Variants in RABL3 observed in about 807,000 individuals in gnomAD.
RABL3 encodes the protein RAB, member of RAS oncogene family like 3, also known as rab-like protein 3.
RABL3 carries 31 observed loss-of-function variants against 31.8 expected under a neutral mutation model. The ratio of observed to expected loss-of-function variants is 0.97; its 90% CI spans 0.73 to 1.31. The LOEUF (loss-of-function observed/expected upper bound fraction) is 1.31. RABL3 is among the 40% of genes most tolerant of loss of function. RABL3 has a pLI of 0.00. For missense variants in RABL3, 263 were observed against 279.6 expected (o/e 0.94, Z 0.42); for synonymous variants, 97 against 99.9 (o/e 0.97, Z 0.18).
intron 2 of RABL3, among the ~76,000 whole-genome samples, chr3:120,715,224 G>C (rs1247838070): frequency 6.6e-6 from 1 of 152,114 alleles, no homozygotes; most frequent in Non-Finnish European, 1.5e-5. Context: ...CTGTCCCATG[G>C]AATTTTCTAC....
At chr3:120,729,571 C>A (rs1708859110) in intron 2 of RABL3, among the ~76,000 whole-genome samples, 1 of 151,778 alleles carries the variant, frequency 6.6e-6, no homozygotes, top group Non-Finnish European at 1.5e-5. Context: ...AAGCAGACAC[C>A]ATAATGAAGG....
intron 1 of RABL3, among the ~76,000 whole-genome samples, chr3:120,739,452 T>C (rs13326886): frequency 0.06 from 9,095 of 152,130 alleles, 873 homozygotes; most frequent in African/African-American, 0.21. Flanking sequence ...GATCAAAGAT[T>C]ATCATTATGA....
At chr3:120,731,931 C>T (rs991680580) in intron 1 of RABL3, among the ~76,000 whole-genome samples, 2 of 152,046 alleles carry the variant, frequency 1.3e-5, no homozygotes, top group Admixed American at 6.6e-5. Context: ...TGGTGGCCTG[C>T]GTCTGTAGTC....
chr3:120,709,037 C>T (rs1708582562), intron 3 of RABL3, among the ~76,000 whole-genome samples: 1 of 151,874 alleles, frequency 6.6e-6, no homozygotes. Flanking sequence ...CTATTAATGG[C>T]TATGCATTTA....
chr3:120,710,536 C>A, intron 2 of RABL3: 1 of 152,260 alleles, frequency 6.6e-6, no homozygotes, highest in Non-Finnish European at 1.5e-5. Flanking sequence ...ATTTATCTGC[C>A]TTTCTCCATC....
intron 5 of RABL3, among the ~76,000 whole-genome samples, chr3:120,694,954 TCTAG>T (rs1452781997): frequency 1.3e-5 from 2 of 150,704 alleles, no homozygotes; most frequent in Admixed American, 1.3e-4. Flanking sequence ...GGAATTCCAG[TCTAG>T]CTGTTTTTTT....
rs1426778347 is a variant in RABL3, at chr3:120,734,804, T to C, written c.47-4017A>G. Among the ~76,000 whole-genome samples, 3 of 152,352 alleles carry C rather than the reference T, an allele frequency of 2.0e-5. No homozygotes were observed. The South Asian group carries it at 6.2e-4, about 32-fold the overall frequency. On this transcript the variant is annotated intron_variant, in intron 1 of 7. Transcript: ENST00000273375. Reference sequence around the variant, plus strand: ...TTTTCTGCATCTATTGAGATAATCATGTGGTTTTTGTCTTTGGTTCTGTTT... The same window carrying C: ...TTTTCTGCATCTATTGAGATAATCACGTGGTTTTTGTCTTTGGTTCTGTTT...
rs1708332027 is a variant in RABL3, at chr3:120,687,973, T to C, written c.*1850A>G. The stretch of plus-strand genomic sequence containing the variant: ...CACCAGGCCTGGCTAATTTTTGTAT[T>C]TTTAGTAGAGACAGGGTTTCCCTAT... On this transcript the variant is annotated 3_prime_UTR_variant, in exon 8 of 8. Coordinates refer to ENST00000273375, the MANE Select transcript of RABL3 (RefSeq NM_173825.5). 1.3e-5 allele frequency: 2 copies of C among 151,974 alleles called. No individual in the cohort carries two copies. Among genetic ancestry groups the C allele is most frequent in the Admixed American group, 1.3e-4 (2 of 15,260 alleles). 9.4% of individuals were successfully genotyped at this position (151,974 alleles called of 1,614,324 possible). A position where few individuals can be genotyped will look rare whatever the true frequency, so the allele number is the denominator to read the frequency against.
chr3:120,719,727 G>A (rs964265727), intron 2 of RABL3, among the ~76,000 whole-genome samples: 3 of 152,228 alleles, frequency 2.0e-5, no homozygotes, highest in East Asian at 1.9e-4. Flanking sequence ...GGAGCCCACC[G>A]CAGCTCAAGG....
intron 2 of RABL3, among the ~76,000 whole-genome samples, chr3:120,725,247 A>G (rs921612238): frequency 2.6e-5 from 4 of 152,316 alleles, no homozygotes; most frequent in South Asian, 2.1e-4. Flanking sequence ...CCACATTGAG[A>G]TACCATTTCA....
chr3:120,700,902 G>C (rs1361977614), intron 4 of RABL3, among the ~76,000 whole-genome samples: 1 of 152,058 alleles, frequency 6.6e-6, no homozygotes, highest in South Asian at 2.1e-4. Flanking sequence ...GTTAAAAAAA[G>C]TTATTGTGGT....
At chr3:120,705,184 T>C (rs1247669521) in intron 4 of RABL3, among the ~76,000 whole-genome samples, 1 of 152,226 alleles carries the variant, frequency 6.6e-6, no homozygotes, top group Middle Eastern at 3.2e-3. Context: ...TTTAGAGATA[T>C]ATTGTGTTCA....
chr3:120,689,957 C>A, intron 7 of RABL3, 69 bp from the exon 8 acceptor site: 2 of 1,271,608 alleles, frequency 1.6e-6, no homozygotes, highest in Non-Finnish European at 1.1e-6. Context: ...AGTAATTTTT[C>A]CCTTCTTTTC....
chr3:120,736,059 T>C (rs917186790), intron 1 of RABL3, among the ~76,000 whole-genome samples: 1 of 152,184 alleles, frequency 6.6e-6, no homozygotes, highest in African/African-American at 2.4e-5. Context: ...GTCTATTAGG[T>C]CCGCTTGGTG....
rs542925183 is a variant in RABL3, at chr3:120,692,623, C to G, written c.606+1530G>C. ...CTGGAGGTCTGGCCAACCTCCTAAC[C>G]CACATACATTTTGTTGTGATTCAGG... On this transcript the variant is annotated intron_variant, in intron 6 of 7. Transcript: ENST00000273375. Among the ~76,000 whole-genome samples the G allele has an allele frequency of 1.1e-4, 16 of 152,264 alleles. No homozygotes were observed. The East Asian group carries it at 3.1e-3, about 29-fold the overall frequency.
chr3:120,712,026 A>G (rs2107583930), intron 2 of RABL3, among the ~76,000 whole-genome samples: 1 of 152,276 alleles, frequency 6.6e-6, no homozygotes, highest in East Asian at 1.9e-4. Flanking sequence ...GCTTTGACAT[A>G]ATAATTAAAA....
chr3:120,689,919 C>A (rs773629933), intron 7 of RABL3, 31 bp from the exon 8 acceptor site: 2 of 1,559,110 alleles, frequency 1.3e-6, no homozygotes, highest in Non-Finnish European at 1.8e-6. Context: ...TGCATTAAGT[C>A]TCAAGCAATA....
chr3:120,702,411 T>C (rs1273028105), intron 4 of RABL3, among the ~76,000 whole-genome samples: 3 of 152,156 alleles, frequency 2.0e-5, no homozygotes, highest in Non-Finnish European at 1.5e-5. Context: ...GAGAATCTAA[T>C]GCCTCTGCTA....
At chr3:120,740,914 C>T (rs1342663403) in intron 1 of RABL3, among the ~76,000 whole-genome samples, 1 of 152,228 alleles carries the variant, frequency 6.6e-6, no homozygotes, top group Non-Finnish European at 1.5e-5. Flanking sequence ...TACTTTTCCA[C>T]ATTTAATGTA....
Sources: gnomAD v4.1 joint callset for allele counts (sites outside exome capture counted in the v4.1 genomes callset) on GRCh38, gnomAD v4.1.1 for gene constraint, MANE v1.5 for transcripts, NCBI Gene and HGNC (gene_info 2026-07-23, HGNC 2026-07-21) for gene names.